The following KCNQ5 variants were observed in gnomAD, a reference collection of about 807,000 sequenced individuals.
The protein encoded by KCNQ5 is potassium voltage-gated channel subfamily KQT member 5.
KCNQ5 carries 30 observed loss-of-function variants against 98.2 expected under a neutral mutation model. The ratio of observed to expected loss-of-function variants is 0.31; its 90% CI spans 0.23 to 0.41. KCNQ5 has a LOEUF of 0.41. Among genes scored for constraint, KCNQ5 ranks in the 10% least tolerant of loss-of-function variants. The probability of loss-of-function intolerance (pLI) is 1.00; values close to 1 mark genes in which losing one functional copy is unlikely to be tolerated. For missense variants in KCNQ5, 835 were observed against 1,182.5 expected, an observed-to-expected ratio of 0.71 and a Z score of 4.31; for synonymous variants, 458 against 449.4, an observed-to-expected ratio of 1.02 and a Z score of -0.24.
chr6:72,863,222 C>T (rs1332637349), intron 1 of KCNQ5, among the ~76,000 whole-genome samples: 1 of 152,104 alleles, frequency 6.6e-6, no homozygotes, highest in African/African-American at 2.4e-5. Context: ...CCTTTTCCTG[C>T]CCATACTAAA....
At chr6:72,952,158 T>C (rs1191896882) in intron 1 of KCNQ5, among the ~76,000 whole-genome samples, 1 of 152,202 alleles carries the variant, frequency 6.6e-6, no homozygotes, top group Non-Finnish European at 1.5e-5. Context: ...TGGATAAGGA[T>C]AGTTGATGTG....
At chr6:72,851,122 A>G (rs1161641651) in intron 1 of KCNQ5, among the ~76,000 whole-genome samples, 2 of 152,206 alleles carry the variant, frequency 1.3e-5, no homozygotes, top group Admixed American at 6.5e-5. Flanking sequence ...ACAATGTATT[A>G]TCAGATTAAG....
At chr6:73,075,510 T>C (rs1334201878) in intron 3 of KCNQ5, among the ~76,000 whole-genome samples, 7 of 152,238 alleles carry the variant, frequency 4.6e-5, no homozygotes, top group East Asian at 3.9e-4. Flanking sequence ...TGTGAGCCAC[T>C]GCGCCCAGCC....
intron 2 of KCNQ5, among the ~76,000 whole-genome samples, chr6:73,037,191 C>A (rs537748993): frequency 6.6e-6 from 1 of 152,156 alleles, no homozygotes; most frequent in South Asian, 2.1e-4. Flanking sequence ...CTATTTATAC[C>A]TTTGCCAATT....
At chr6:73,047,213 G>A (rs1220522269) in intron 3 of KCNQ5, among the ~76,000 whole-genome samples, 1 of 152,132 alleles carries the variant, frequency 6.6e-6, no homozygotes, top group Non-Finnish European at 1.5e-5. Flanking sequence ...AGTAATTCAA[G>A]ATCTTTAAAG....
chr6:72,751,999 G>C (rs1359765378), intron 1 of KCNQ5, among the ~76,000 whole-genome samples: 1 of 152,024 alleles, frequency 6.6e-6, no homozygotes, highest in East Asian at 1.9e-4. Context: ...TTTGCCTTTT[G>C]TTTGTTTGGG....
intron 1 of KCNQ5, among the ~76,000 whole-genome samples, chr6:72,938,888 C>T (rs573855537): frequency 2.0e-5 from 3 of 152,236 alleles, no homozygotes; most frequent in East Asian, 1.9e-4. Flanking sequence ...ATAATTGAAA[C>T]TTCAAGTGAT....
In KCNQ5 at chr6:72,829,707, C is replaced by G. The variant is rs530287274; in HGVS notation, c.399-174201C>G. Among the ~76,000 whole-genome samples, 17 of 152,098 alleles carry G rather than the reference C, an allele frequency of 1.1e-4. No individual in the cohort carries two copies. The East Asian group carries it at 2.7e-3, about 24-fold the overall frequency. On this transcript the variant is annotated intron_variant, in intron 1 of 13. Transcript: ENST00000370398. ...TTCTAGGAGAAGGAATGTTTCTGGA[C>G]CAAGGATCAGAATAACATTCAGGGA...
At chr6:72,896,605 T>C (rs1198471547) in intron 1 of KCNQ5, among the ~76,000 whole-genome samples, 7 of 152,158 alleles carry the variant, frequency 4.6e-5, no homozygotes, top group African/African-American at 1.7e-4. Flanking sequence ...TAAAAACTCG[T>C]CCATAACTGT....
intron 1 of KCNQ5, among the ~76,000 whole-genome samples, chr6:72,809,508 T>C (rs1325719584): frequency 2.0e-5 from 3 of 151,508 alleles, no homozygotes; most frequent in Non-Finnish European, 1.5e-5. Flanking sequence ...GCTGAGATCG[T>C]GCCACTGCAC....
chr6:72,811,172 C>G (rs1237979685), intron 1 of KCNQ5, among the ~76,000 whole-genome samples: 3 of 152,194 alleles, frequency 2.0e-5, no homozygotes, highest in African/African-American at 7.2e-5. Context: ...CTGCCACTAA[C>G]TGGCATTGAG....
intron 1 of KCNQ5, among the ~76,000 whole-genome samples, chr6:72,662,426 A>G (rs1242319270): frequency 6.6e-6 from 1 of 152,184 alleles, no homozygotes; most frequent in African/African-American, 2.4e-5. Flanking sequence ...ATATGATAAC[A>G]TAAATAACTT....
chr6:73,109,280 C>T (rs73753255), intron 6 of KCNQ5, among the ~76,000 whole-genome samples: 2,602 of 152,268 alleles, frequency 0.017, 75 homozygotes, highest in African/African-American at 0.058. Context: ...TATGTAGGGC[C>T]TGTCTTTATT....
intron 5 of KCNQ5, among the ~76,000 whole-genome samples, chr6:73,096,576 G>A (rs1461152655): frequency 6.6e-6 from 1 of 152,144 alleles, no homozygotes; most frequent in Non-Finnish European, 1.5e-5. Flanking sequence ...CCTAGCTTTA[G>A]CATATCTAGT....
intron 1 of KCNQ5, among the ~76,000 whole-genome samples, chr6:72,709,464 G>T (rs766301883): frequency 6.6e-6 from 1 of 152,064 alleles, no homozygotes; most frequent in African/African-American, 2.4e-5. Flanking sequence ...CTCTGATGGC[G>T]GTTTTATGGC....
intron 13 of KCNQ5, 27 bp from the exon 14 acceptor site, chr6:73,194,425 A>G: frequency 1.9e-6 from 3 of 1,578,376 alleles, no homozygotes; most frequent in Non-Finnish European, 2.6e-6. Flanking sequence ...GATTATACTC[A>G]TGTGTAACCA....
chr6:72,881,916 C>T (rs1008536407), intron 1 of KCNQ5, among the ~76,000 whole-genome samples: 1 of 152,166 alleles, frequency 6.6e-6, no homozygotes, highest in Non-Finnish European at 1.5e-5. Context: ...ATCTCAAACT[C>T]CTGACATCAG....
chr6:73,155,820 G>A lies in KCNQ5; in HGVS notation c.1469-13926G>A, dbSNP rs148162231. 6.4e-3 allele frequency among the ~76,000 whole-genome samples: 976 copies of A among 152,206 alleles called. 38 individuals are homozygous for A. In the East Asian group the frequency reaches 0.064, roughly 10 times the overall value. ...TGCACATGTATTACTATTATAATGA[G>A]AGAAAAGCAAAGTGAAAATAAAAAC... On this transcript the variant is annotated intron_variant, in intron 10 of 13. Coordinates refer to ENST00000370398, the MANE Select transcript of KCNQ5 (RefSeq NM_019842.4).
chr6:72,627,090 A>G (rs2098918324), intron 1 of KCNQ5, among the ~76,000 whole-genome samples: 1 of 152,216 alleles, frequency 6.6e-6, no homozygotes, highest in African/African-American at 2.4e-5. Flanking sequence ...TCTATTTCCA[A>G]CCACGTTAGA....
Sources: allele counts gnomAD v4.1 joint callset (sites outside exome capture counted in the v4.1 genomes callset), GRCh38; gene constraint gnomAD v4.1.1; transcripts MANE v1.5; gene names NCBI Gene and HGNC (gene_info 2026-07-23, HGNC 2026-07-21).